REDIC1: variants seen among roughly 807,000 people sequenced by gnomAD.
REDIC1 encodes the protein HEI10 Interacting Protein 1.
chr12:39,682,641 C>A, the REDIC1 span: 1 of 1,597,662 alleles, frequency 6.3e-7, no homozygotes, highest in Non-Finnish European at 8.5e-7. Context: ...TTACTAAAAG[C>A]CCTGCTGTAA....
chr12:39,751,633 C>G, the REDIC1 span, among the ~76,000 whole-genome samples: 1 of 152,106 alleles, frequency 6.6e-6, no homozygotes, highest in Non-Finnish European at 1.5e-5. Context: ...TTCACAATAG[C>G]AAAGACTTGA....
the REDIC1 span, among the ~76,000 whole-genome samples, chr12:39,772,878 T>A: frequency 6.6e-6 from 1 of 151,956 alleles, no homozygotes; most frequent in Non-Finnish European, 1.5e-5. Context: ...CTCCTCATCA[T>A]CCTCATGCTG....
the REDIC1 span, among the ~76,000 whole-genome samples, chr12:39,723,067 C>G: frequency 1.3e-5 from 2 of 152,122 alleles, no homozygotes; most frequent in Non-Finnish European, 2.9e-5. Context: ...GTGAGCTTCC[C>G]TGGTTGGCAA....
the REDIC1 span, among the ~76,000 whole-genome samples, chr12:39,674,050 ACTTGT>A: frequency 6.6e-6 from 1 of 152,206 alleles, no homozygotes; most frequent in Non-Finnish European, 1.5e-5. Flanking sequence ...AGTTGGACTT[ACTTGT>A]CTTAATTCTT....
chr12:39,712,544 A>C, the REDIC1 span, among the ~76,000 whole-genome samples: 1 of 142,312 alleles, frequency 7.0e-6, no homozygotes, highest in African/African-American at 2.6e-5. Context: ...ATATGCGTAT[A>C]TACACGACAT....
the REDIC1 span, among the ~76,000 whole-genome samples, chr12:39,714,201 A>G: frequency 1.3e-5 from 1 of 74,452 alleles, no homozygotes; most frequent in East Asian, 4.0e-4. Context: ...GTATATATGT[A>G]TATACATGCA....
the REDIC1 span, among the ~76,000 whole-genome samples, chr12:39,716,412 T>C: frequency 1.3e-5 from 2 of 152,060 alleles, no homozygotes; most frequent in Non-Finnish European, 2.9e-5. Context: ...AACTTGGTTT[T>C]CTCTTCCTTC....
chr12:39,809,289 A>G, the REDIC1 span, among the ~76,000 whole-genome samples: 26 of 152,210 alleles, frequency 1.7e-4, no homozygotes, highest in Non-Finnish European at 2.9e-4. Flanking sequence ...TTTTACCAAC[A>G]TCACATTGTC....
the REDIC1 span, chr12:39,682,626 T>C: frequency 2.7e-5 from 43 of 1,580,336 alleles, 1 homozygote; most frequent in South Asian, 4.8e-4. Flanking sequence ...GAAATAGGAA[T>C]TTACTTACTA....
At chr12:39,711,672 T>C in the REDIC1 span, among the ~76,000 whole-genome samples, 74 of 137,418 alleles carry the variant, frequency 5.4e-4, no homozygotes, top group African/African-American at 1.8e-3. Flanking sequence ...TATACACATG[T>C]ATGTGTGTAT....
At chr12:39,664,120 A>G in the REDIC1 span, among the ~76,000 whole-genome samples, 1 of 151,810 alleles carries the variant, frequency 6.6e-6, no homozygotes, top group Non-Finnish European at 1.5e-5. Flanking sequence ...ACATGTGCAC[A>G]ATGTGCAGGT....
chr12:39,729,700 G>C, the REDIC1 span, among the ~76,000 whole-genome samples: 5 of 152,020 alleles, frequency 3.3e-5, no homozygotes, highest in Non-Finnish European at 1.5e-5. Context: ...CTGAGTTCAA[G>C]TCTTTAATAT....
the REDIC1 span, among the ~76,000 whole-genome samples, chr12:39,715,809 T>G: frequency 2.0e-5 from 3 of 151,964 alleles, no homozygotes; most frequent in African/African-American, 7.2e-5. Context: ...CATGGTGGAT[T>G]TATAGTACTT....
chr12:39,712,419 CATACGTATATAT>C, the REDIC1 span, among the ~76,000 whole-genome samples: 4 of 121,854 alleles, frequency 3.3e-5, no homozygotes, highest in African/African-American at 1.2e-4. Context: ...TACGTATATA[CATACGTATATAT>C]ACATACGTAT....
chr12:39,638,629 C>T, the REDIC1 span, among the ~76,000 whole-genome samples: 2 of 151,920 alleles, frequency 1.3e-5, no homozygotes, highest in African/African-American at 2.4e-5. Flanking sequence ...TGACTATATT[C>T]GGGACAATAT....
At chr12:39,845,728 T>G in the REDIC1 span, among the ~76,000 whole-genome samples, 1 of 152,168 alleles carries the variant, frequency 6.6e-6, no homozygotes, top group South Asian at 2.1e-4. Flanking sequence ...TGTAATCATT[T>G]GCTCTCACAA....
At chr12:39,789,747 T>C in the REDIC1 span, among the ~76,000 whole-genome samples, 2 of 152,176 alleles carry the variant, frequency 1.3e-5, no homozygotes, top group African/African-American at 4.8e-5. Context: ...TTGATAAAAA[T>C]GGTATGCCAA....
At chr12:39,752,993 G>C in the REDIC1 span, among the ~76,000 whole-genome samples, 1 of 152,174 alleles carries the variant, frequency 6.6e-6, no homozygotes, top group East Asian at 1.9e-4. Flanking sequence ...GGCGAGGCCC[G>C]CAGATTTGCA....
At chr12:39,743,791 A>G in the REDIC1 span, among the ~76,000 whole-genome samples, 1 of 152,206 alleles carries the variant, frequency 6.6e-6, no homozygotes, top group Admixed American at 6.5e-5. Context: ...TAAAAAAGCA[A>G]AAAGATCAAA....
Sources: allele counts gnomAD v4.1 joint callset (sites outside exome capture counted in the v4.1 genomes callset), GRCh38; gene constraint gnomAD v4.1.1; transcripts MANE v1.5; gene names NCBI Gene and HGNC (gene_info 2026-07-23, HGNC 2026-07-21).